GRM5: variants seen among roughly 807,000 people sequenced by gnomAD.
GRM5 encodes metabotropic glutamate receptor 5.
GRM5 carries 19 observed loss-of-function variants against 83.1 expected under a neutral mutation model. The observed-to-expected ratio is 0.23, with a 90% CI of 0.16 to 0.34. The LOEUF (loss-of-function observed/expected upper bound fraction) is 0.34. GRM5 is among the 10% of genes least tolerant of loss of function. The pLI, the probability that GRM5 is intolerant of heterozygous loss-of-function variation, is 1.00. For missense variants in GRM5, 1,160 were observed against 1,588.3 expected (o/e 0.73, Z 4.58); for synonymous variants, 675 against 633.6 (o/e 1.07, Z -0.98).
chr11:88,525,051 T>C (rs1034176709), intron 9 of GRM5, among the ~76,000 whole-genome samples: 6 of 152,202 alleles, frequency 3.9e-5, no homozygotes, highest in African/African-American at 1.4e-4. Flanking sequence ...GAGGACTGAC[T>C]GTGAGCTAAG....
At chr11:88,868,628 T>C (rs546692967) in intron 2 of GRM5, among the ~76,000 whole-genome samples, 1 of 151,782 alleles carries the variant, frequency 6.6e-6, no homozygotes, top group Non-Finnish European at 1.5e-5. Context: ...TCCTAACTTA[T>C]ATTCTCAGTT....
At chr11:88,556,927 T>A (rs1448928760) in intron 8 of GRM5, among the ~76,000 whole-genome samples, 1 of 152,124 alleles carries the variant, frequency 6.6e-6, no homozygotes, top group Non-Finnish European at 1.5e-5. Context: ...GCATTTAGGG[T>A]TATTTCTCTG....
At chr11:88,823,724 C>T (rs369613772) in intron 3 of GRM5, among the ~76,000 whole-genome samples, 1 of 152,134 alleles carries the variant, frequency 6.6e-6, no homozygotes, top group Non-Finnish European at 1.5e-5. Context: ...AGGATCCCAA[C>T]TGGAGAAGAG....
chr11:88,928,725 T>G (rs951660932), intron 2 of GRM5, among the ~76,000 whole-genome samples: 2 of 151,962 alleles, frequency 1.3e-5, no homozygotes, highest in Non-Finnish European at 2.9e-5. Context: ...TGTTTAGATA[T>G]TTTATTAAAT....
chr11:88,993,224 C>T (rs958705365), intron 2 of GRM5, among the ~76,000 whole-genome samples: 3 of 142,546 alleles, frequency 2.1e-5, no homozygotes, highest in African/African-American at 5.2e-5. Flanking sequence ...CGAGATTGTG[C>T]CACTGCACTC....
At chr11:88,578,615 T>G (rs937557790) in intron 7 of GRM5, among the ~76,000 whole-genome samples, 3 of 152,224 alleles carry the variant, frequency 2.0e-5, no homozygotes, top group African/African-American at 7.2e-5. Context: ...AGAGAGGGGC[T>G]TTCAGCCCTT....
At chr11:88,960,063 C>T (rs781293212) in intron 2 of GRM5, among the ~76,000 whole-genome samples, 10 of 152,052 alleles carry the variant, frequency 6.6e-5, no homozygotes, top group African/African-American at 9.7e-5. Flanking sequence ...ATGTTCTCAG[C>T]GGAGGAAACT....
At chr11:88,848,782 G>C (rs1944340886) in intron 3 of GRM5, among the ~76,000 whole-genome samples, 1 of 152,174 alleles carries the variant, frequency 6.6e-6, no homozygotes, top group Non-Finnish European at 1.5e-5. Context: ...TAATCTGCCT[G>C]TGTCTGTGAG....
At chr11:88,519,879 T>C (rs1401023743) in intron 9 of GRM5, among the ~76,000 whole-genome samples, 3 of 152,180 alleles carry the variant, frequency 2.0e-5, no homozygotes, top group Non-Finnish European at 4.4e-5. Flanking sequence ...GCTGTACTTA[T>C]ATAATTCCAT....
intron 8 of GRM5, among the ~76,000 whole-genome samples, chr11:88,546,501 T>G (rs16914191): frequency 0.039 from 6,000 of 152,194 alleles, 232 homozygotes; most frequent in African/African-American, 0.1. Context: ...GCTTTATGTT[T>G]AATAATTATA....
At chr11:88,582,144 C>T (rs1943223754) in intron 7 of GRM5, among the ~76,000 whole-genome samples, 1 of 152,214 alleles carries the variant, frequency 6.6e-6, no homozygotes, top group Non-Finnish European at 1.5e-5. Context: ...ATTGAAATTG[C>T]CTCTTTATTT....
At chr11:88,871,049 C>T (rs1409456686) in intron 2 of GRM5, among the ~76,000 whole-genome samples, 2 of 151,398 alleles carry the variant, frequency 1.3e-5, no homozygotes, top group African/African-American at 4.8e-5. Context: ...TGAATACGTA[C>T]AATTATTATT....
chr11:88,524,801 A>G (rs1247735534), intron 9 of GRM5, among the ~76,000 whole-genome samples: 19 of 152,234 alleles, frequency 1.2e-4, no homozygotes, highest in Admixed American at 1.2e-3. Context: ...CTAGTTTGGC[A>G]AGGCATTTGC....
rs966748315 is a variant in GRM5 at position 88,758,412 on chromosome 11, C to T, written c.911+91494G>A. ...TAACCAACCCAATAGACGTGGAAGACACACTACAAGAATTTCATAATGCAA... is the reference window on the plus strand; with the variant it reads ...TAACCAACCCAATAGACGTGGAAGATACACTACAAGAATTTCATAATGCAA... On this transcript the variant is annotated intron_variant, in intron 3 of 9. Coordinates refer to ENST00000305447, the MANE Select transcript of GRM5 (RefSeq NM_001143831.3). 2.0e-5 allele frequency among the ~76,000 whole-genome samples: 3 copies of T among 152,114 alleles called. No individual in the cohort carries two copies. The South Asian group carries it at 6.2e-4, about 32-fold the overall frequency.
In GRM5 at chr11:88,927,939, G is replaced by GC. The variant is rs920378794; in HGVS notation, c.662-77785dup. On this transcript the variant is annotated intron_variant, in intron 2 of 9. Coordinates refer to ENST00000305447, the MANE Select transcript of GRM5 (RefSeq NM_001143831.3). ...ACACTTTAAAAATATGATTTAAAAA[G>GC]CCCCCCCAGTCACTTAACTTCAGAA... Among the ~76,000 whole-genome samples, 7 of 152,016 alleles carry GC rather than the reference G, an allele frequency of 4.6e-5. No individual in the cohort carries two copies. The East Asian group carries it at 5.8e-4, about 13-fold the overall frequency.
chr11:88,756,131 C>A (rs1425922548), intron 3 of GRM5, among the ~76,000 whole-genome samples: 2 of 152,104 alleles, frequency 1.3e-5, no homozygotes, highest in South Asian at 2.1e-4. Flanking sequence ...ATGGAAACAG[C>A]CTTACTTTAG....
At chr11:88,746,442 T>C (rs1942144013) in intron 3 of GRM5, among the ~76,000 whole-genome samples, 1 of 152,130 alleles carries the variant, frequency 6.6e-6, no homozygotes, top group Non-Finnish European at 1.5e-5. Flanking sequence ...AAGTGTCACA[T>C]TTGTGCTGAA....
chr11:88,822,469 T>G (rs1324853968), intron 3 of GRM5, among the ~76,000 whole-genome samples: 1 of 152,212 alleles, frequency 6.6e-6, no homozygotes, highest in Non-Finnish European at 1.5e-5. Flanking sequence ...TACACTGATA[T>G]TTGATGGATG....
At chr11:88,954,563 A>C (rs2135683543) in intron 2 of GRM5, among the ~76,000 whole-genome samples, 1 of 152,348 alleles carries the variant, frequency 6.6e-6, no homozygotes, top group Middle Eastern at 3.4e-3. Context: ...GCAGTGATAG[A>C]AATGGTCTAT....
Sources: gnomAD v4.1 joint callset for allele counts (sites outside exome capture counted in the v4.1 genomes callset) on GRCh38, gnomAD v4.1.1 for gene constraint, MANE v1.5 for transcripts, NCBI Gene and HGNC (gene_info 2026-07-23, HGNC 2026-07-21) for gene names.